Variants in XKR6 observed in about 807,000 individuals in gnomAD.
The protein encoded by XKR6 is XK related 6, also known as XK-related protein 6.
Under a neutral mutation model 56.7 loss-of-function variants are expected in XKR6, and 22 were observed. The observed-to-expected ratio is 0.39, with a 90% CI of 0.28 to 0.55. The LOEUF is 0.55. Among genes scored for constraint, XKR6 ranks in the 20% least tolerant of loss-of-function variants. The pLI is 0.66. For synonymous variants in XKR6, 524 were observed against 387.8 expected, an observed-to-expected ratio of 1.35 and a Z score of -4.13; for missense variants, 852 against 889.0, an observed-to-expected ratio of 0.96 and a Z score of 0.53.
At chr8:11,173,846 G>C (rs1204997725) in intron 1 of XKR6, among the ~76,000 whole-genome samples, 2 of 152,118 alleles carry the variant, frequency 1.3e-5, no homozygotes, top group Admixed American at 6.5e-5. Context: ...GTCACTACTA[G>C]AATAAAGAAT....
At chr8:10,973,756 G>GT (rs1392819658) in intron 1 of XKR6, among the ~76,000 whole-genome samples, 5 of 151,996 alleles carry the variant, frequency 3.3e-5, no homozygotes, top group East Asian at 3.9e-4. Flanking sequence ...AATTTTTTGT[G>GT]TTTTTTGTTG....
chr8:11,133,948 G>C (rs1800249198), intron 1 of XKR6, among the ~76,000 whole-genome samples: 2 of 152,096 alleles, frequency 1.3e-5, no homozygotes, highest in Non-Finnish European at 2.9e-5. Context: ...TCATGAGCTG[G>C]TCTCTTATGT....
chr8:11,146,265 G>C (rs1800976233), intron 1 of XKR6, among the ~76,000 whole-genome samples: 1 of 152,156 alleles, frequency 6.6e-6, no homozygotes, highest in Non-Finnish European at 1.5e-5. Flanking sequence ...AATTATAGGA[G>C]AAAATCTTTG....
At chr8:11,181,013 G>C (rs972387255) in intron 1 of XKR6, among the ~76,000 whole-genome samples, 1 of 152,172 alleles carries the variant, frequency 6.6e-6, no homozygotes. Context: ...GACCCACAAG[G>C]CTTCATACTT....
At chr8:11,067,976 T>C (rs1427414242) in intron 1 of XKR6, among the ~76,000 whole-genome samples, 2 of 152,212 alleles carry the variant, frequency 1.3e-5, no homozygotes, top group Non-Finnish European at 2.9e-5. Flanking sequence ...TGTGGGGTGG[T>C]TGCTGTTGCT....
chr8:10,990,505 T>C (rs977437510), intron 1 of XKR6, among the ~76,000 whole-genome samples: 2 of 152,190 alleles, frequency 1.3e-5, no homozygotes, highest in Non-Finnish European at 1.5e-5. Flanking sequence ...GTTCTGGCCC[T>C]GGTGGGAGCT....
At chr8:10,974,168 T>G (rs112058103) in intron 1 of XKR6, among the ~76,000 whole-genome samples, 19 of 152,350 alleles carry the variant, frequency 1.2e-4, no homozygotes, top group African/African-American at 4.3e-4. Flanking sequence ...CAGGAGGTAC[T>G]TGGCAGCTTG....
chr8:11,097,749 G>C (rs1424998187), intron 1 of XKR6, among the ~76,000 whole-genome samples: 1 of 143,390 alleles, frequency 7.0e-6, no homozygotes, highest in African/African-American at 2.7e-5. Flanking sequence ...GGAGGCTGCA[G>C]TGAGCCAAGA....
intron 1 of XKR6, among the ~76,000 whole-genome samples, chr8:11,014,563 T>A (rs1798575560): frequency 6.6e-6 from 1 of 152,174 alleles, no homozygotes; most frequent in Non-Finnish European, 1.5e-5. Context: ...CAACAGCTTT[T>A]CAGCAGCACC....
intron 1 of XKR6, among the ~76,000 whole-genome samples, chr8:11,126,554 A>G (rs1799808984): frequency 6.6e-6 from 1 of 152,108 alleles, no homozygotes; most frequent in Non-Finnish European, 1.5e-5. Flanking sequence ...ATTACTTCTC[A>G]GCTTTGCAAC....
intron 2 of XKR6, among the ~76,000 whole-genome samples, chr8:10,915,423 T>C (rs1181711987): frequency 6.6e-6 from 1 of 152,246 alleles, no homozygotes; most frequent in Admixed American, 6.5e-5. Context: ...CAGCATTTCA[T>C]GTGCAAACAT....
At position 10,944,447 on chromosome 8, in the gene XKR6, C is replaced by G. The variant is rs185401209; in HGVS notation, c.765-19617G>C. Among the ~76,000 whole-genome samples, 39 of 152,338 alleles carry G rather than the reference C, an allele frequency of 2.6e-4. 1 individual carries two copies. Among genetic ancestry groups the G allele is most frequent in the African/African-American group, 8.9e-4 (37 of 41,574 alleles). On this transcript the variant is annotated intron_variant, in intron 1 of 2. Transcript: ENST00000416569. ...ACACAGAAGGCAAGGGTTGGACCCA[C>G]TGACCTTTCGAAAATCCTCTCCACT...
chr8:11,180,101 C>T (rs1227181728), intron 1 of XKR6, among the ~76,000 whole-genome samples: 2 of 152,046 alleles, frequency 1.3e-5, no homozygotes, highest in East Asian at 1.9e-4. Flanking sequence ...ATAAGCACCA[C>T]TGCACTCCAG....
chr8:11,103,619 G>C (rs142323744), intron 1 of XKR6, among the ~76,000 whole-genome samples: 39 of 152,246 alleles, frequency 2.6e-4, no homozygotes, highest in African/African-American at 8.9e-4. Context: ...CATTCAAGTA[G>C]TAAAGAAAAT....
intron 1 of XKR6, among the ~76,000 whole-genome samples, chr8:11,089,600 G>C (rs1043849731): frequency 1.3e-5 from 2 of 152,116 alleles, no homozygotes; most frequent in Non-Finnish European, 2.9e-5. Flanking sequence ...CTGTTCTACT[G>C]TACTTCTGCC....
chr8:10,966,771 G>A lies in XKR6; in HGVS notation c.765-41941C>T, dbSNP rs539912043. Reference sequence around the variant, plus strand: ...ATAGGGTCTCTGGGGATGGGGCCCAGGAAACCAGGTTTTAACAAACCCTCC... The same window carrying A: ...ATAGGGTCTCTGGGGATGGGGCCCAAGAAACCAGGTTTTAACAAACCCTCC... On this transcript the variant is annotated intron_variant, in intron 1 of 2. Coordinates refer to ENST00000416569, the MANE Select transcript of XKR6 (RefSeq NM_173683.4). 3.9e-5 allele frequency among the ~76,000 whole-genome samples: 6 copies of A among 152,300 alleles called. No homozygotes were observed. The East Asian group carries it at 1.2e-3, about 29-fold the overall frequency.
At chr8:11,146,341 A>C (rs1800979581) in intron 1 of XKR6, among the ~76,000 whole-genome samples, 1 of 152,218 alleles carries the variant, frequency 6.6e-6, no homozygotes, top group African/African-American at 2.4e-5. Flanking sequence ...TAAAGAAAAA[A>C]CTGGCTAAGT....
chr8:11,088,602 G>A (rs995963812), intron 1 of XKR6, among the ~76,000 whole-genome samples: 4 of 152,186 alleles, frequency 2.6e-5, no homozygotes, highest in Admixed American at 2.6e-4. Flanking sequence ...AAAGACAAGA[G>A]GGAGTGCATG....
rs6150466 is a variant in XKR6, at chr8:11,184,388, TACACACACACAC to T, written c.764+16176_764+16187del. On this transcript the variant is annotated intron_variant, in intron 1 of 2. Transcript: ENST00000416569. ...TATTTTATATATATATATACACACA[TACACACACACAC>T]ACACACACACACACACACACTTATA... Among the ~76,000 whole-genome samples the T allele has an allele frequency of 1.9e-3, 280 of 146,248 alleles. 1 individual carries two copies. Among genetic ancestry groups the T allele is most frequent in the Middle Eastern group, 7.0e-3 (2 of 284 alleles).
Sources: allele counts gnomAD v4.1 joint callset (sites outside exome capture counted in the v4.1 genomes callset), GRCh38; gene constraint gnomAD v4.1.1; transcripts MANE v1.5; gene names NCBI Gene and HGNC (gene_info 2026-07-23, HGNC 2026-07-21).